The following LAMC1 variants were observed in gnomAD, a reference collection of about 807,000 sequenced individuals.
LAMC1 encodes laminin subunit gamma-1.
Under a neutral mutation model 173.6 loss-of-function variants are expected in LAMC1, and 38 were observed. That is an observed-to-expected ratio of 0.22 (90% confidence interval 0.17 to 0.29). The LOEUF is 0.29. Among genes scored for constraint, LAMC1 ranks in the 10% least tolerant of loss-of-function variants. LAMC1 has a pLI of 1.00. For synonymous variants in LAMC1, 746 were observed against 749.1 expected, an observed-to-expected ratio of 1.00 and a Z score of 0.07; for missense variants, 1,824 against 2,051.8, an observed-to-expected ratio of 0.89 and a Z score of 2.14.
At chr1:183,137,867 A>C (rs1309596982) in intron 26 of LAMC1, 40 bp downstream of exon 26, 4 of 1,526,364 alleles carry the variant, frequency 2.6e-6, no homozygotes, top group Non-Finnish European at 3.5e-6. Context: ...GCAGAAAGTG[A>C]ACAGTGTTTA....
chr1:183,039,251 G>GT (rs1654063132), intron 1 of LAMC1, among the ~76,000 whole-genome samples: 1 of 149,112 alleles, frequency 6.7e-6, no homozygotes, highest in Admixed American at 6.7e-5. Flanking sequence ...AAGGGACTAA[G>GT]GATAAAGATT....
chr1:183,068,374 T>G (rs886067697), intron 1 of LAMC1, among the ~76,000 whole-genome samples: 2 of 152,170 alleles, frequency 1.3e-5, no homozygotes, highest in Non-Finnish European at 2.9e-5. Flanking sequence ...TAGTACTCAT[T>G]TGTTGTGCTA....
At chr1:183,092,504 A>G (rs544032368) in intron 1 of LAMC1, among the ~76,000 whole-genome samples, 2 of 151,974 alleles carry the variant, frequency 1.3e-5, no homozygotes, top group African/African-American at 2.4e-5. Context: ...AGGCTCAACA[A>G]TTTGCATTTT....
chr1:183,128,729 C>G lies in LAMC1; in HGVS notation c.3259C>G (p.Arg1087Gly), dbSNP rs769737749. The change falls in exon 18 of 28, where the codon CGT (arginine) becomes GGT (glycine). Residue 1087 changes from arginine (R) to glycine (G), a missense_variant. Coordinates refer to ENST00000258341, the MANE Select transcript of LAMC1 (RefSeq NM_002293.4). ...AGAGAGGGAAGTTATGGACCTCCTTCGTGAGGCCCAGGATGTCAAAGGTAC... is the reference window on the plus strand; with the variant it reads ...AGAGAGGGAAGTTATGGACCTCCTTGGTGAGGCCCAGGATGTCAAAGGTAC... ...EAEREVMDLL[R>G]EAQDVKDVDQ... is the part of the protein sequence containing the mutation. The G allele has an allele frequency of 6.2e-7, 1 of 1,613,136 alleles. No individual in the cohort carries two copies. The highest frequency in any genetic ancestry group is 8.5e-7 in the Non-Finnish European group (1 of 1,179,388).
At chr1:183,058,413 T>C (rs1571414107) in intron 1 of LAMC1, among the ~76,000 whole-genome samples, 1 of 152,242 alleles carries the variant, frequency 6.6e-6, no homozygotes, top group Non-Finnish European at 1.5e-5. Context: ...CAGGTGTATA[T>C]TTAAGTCTGG....
At chr1:183,071,685 C>A (rs1655015832) in intron 1 of LAMC1, among the ~76,000 whole-genome samples, 1 of 152,128 alleles carries the variant, frequency 6.6e-6, no homozygotes. Flanking sequence ...ACTTTCTTAG[C>A]CTATTTAATG....
Position 183,145,185 on chromosome 1 carries a change from G to C in LAMC1, c.*2395G>C, listed in dbSNP as rs190346479. ...TTGGTTTCCTTTTAACTTTCTTTTT[G>C]TTATTTGCTTTTCTCCTCCACCTGT... On this transcript the variant is annotated 3_prime_UTR_variant, in exon 28 of 28. Coordinates refer to ENST00000258341, the MANE Select transcript of LAMC1 (RefSeq NM_002293.4). The C allele has an allele frequency of 6.6e-6, 1 of 152,278 alleles. No homozygotes were observed. The highest frequency in any genetic ancestry group is 2.4e-5 in the African/African-American group (1 of 41,400). The allele number at this position is 152,278 out of a possible 1,614,324, so 9.4% of individuals were successfully genotyped here. A position where few individuals can be genotyped will look rare whatever the true frequency, so the allele number is the denominator to read the frequency against.
rs1025559573 is a variant in LAMC1, at chr1:183,041,959, T to C, written c.418+17825T>C. On this transcript the variant is annotated intron_variant, in intron 1 of 27. Coordinates refer to ENST00000258341, the MANE Select transcript of LAMC1 (RefSeq NM_002293.4). The stretch of plus-strand genomic sequence containing the variant: ...CCCATGATGGAATTTGCCTTGTAGA[T>C]AGGGTTTTTAAAATTGATCAGGCAG... Among the ~76,000 whole-genome samples, 12 of 152,192 alleles carry C rather than the reference T, an allele frequency of 7.9e-5. No individual in the cohort carries two copies. In the East Asian group the frequency reaches 2.3e-3, roughly 29 times the overall value.
At chr1:183,053,935 T>G (rs546702688) in intron 1 of LAMC1, among the ~76,000 whole-genome samples, 1 of 152,176 alleles carries the variant, frequency 6.6e-6, no homozygotes, top group East Asian at 1.9e-4. Flanking sequence ...CAAAGATAGG[T>G]TTTATTATTG....
At chr1:183,103,766 G>A in intron 2 of LAMC1, 134 bp downstream of exon 2, 2 of 676,374 alleles carry the variant, frequency 3.0e-6, no homozygotes, top group Non-Finnish European at 4.7e-6. Context: ...AACACAGACA[G>A]AGAGCTTGAT....
intron 26 of LAMC1, chr1:183,138,666 C>A (rs1433733242): frequency 1.3e-5 from 2 of 152,112 alleles, no homozygotes; most frequent in African/African-American, 4.8e-5. Flanking sequence ...TCTGTGCAAC[C>A]ACCTAATTTT....
In LAMC1 at chr1:183,140,472, C is replaced by T; in HGVS notation, c.4542C>T (p.Leu1514=). Residue 1514 remains leucine, a synonymous_variant, in exon 27 of 28, where the codon CTC becomes CTT. Transcript: ENST00000258341. Reference sequence around the variant, plus strand: ...CCAAAAACTCTGTTACTAGCCTCCTCAGCATTATTAATGACCTCTTGGAGC... The same window carrying T: ...CCAAAAACTCTGTTACTAGCCTCCTTAGCATTATTAATGACCTCTTGGAGC... The part of the protein sequence containing the change: ...RKAKNSVTSL[L]SIINDLLEQL... The T allele has an allele frequency of 6.2e-7, 1 of 1,613,502 alleles. No individual in the cohort carries two copies. Among genetic ancestry groups the T allele is most frequent in the South Asian group, 1.1e-5 (1 of 91,052 alleles).
chr1:183,048,369 A>G (rs1309687101), intron 1 of LAMC1, among the ~76,000 whole-genome samples: 2 of 152,240 alleles, frequency 1.3e-5, no homozygotes, highest in African/African-American at 4.8e-5. Context: ...ATCTTAAAAC[A>G]TACAGGTAAA....
intron 1 of LAMC1, among the ~76,000 whole-genome samples, chr1:183,075,414 C>T (rs1048553629): frequency 6.6e-6 from 1 of 152,118 alleles, no homozygotes; most frequent in African/African-American, 2.4e-5. Context: ...CCGCGCCCAG[C>T]GTATCTGATG....
chr1:183,112,010 G>A (rs10797841), intron 4 of LAMC1, among the ~76,000 whole-genome samples: 78,563 of 151,978 alleles, frequency 0.52, 20,986 homozygotes, highest in South Asian at 0.65. Flanking sequence ...CTGCACTCCA[G>A]CCTGGGCAAC....
At chr1:183,117,294 C>T (rs376310088) in intron 8 of LAMC1, 26 bp from the exon 9 acceptor site, 112 of 1,592,534 alleles carry the variant, frequency 7.0e-5, no homozygotes, top group Non-Finnish European at 9.0e-5. Context: ...GTGTAAAGTG[C>T]TTGTGTTTTC....
At position 183,116,834 on chromosome 1, in the gene LAMC1, G is replaced by A; in HGVS notation, c.1495G>A (p.Gly499Arg). ...PRGCTPCFCFGHSSVCTNAVG... is the reference protein window; with the variant it reads ...PRGCTPCFCFRHSSVCTNAVG... ...GGGTTGCACACCCTGCTTCTGCTTT[G>A]GGCATTCTTCTGTCTGTACAAACGC... The change falls in exon 8 of 28, where the codon GGG becomes AGG. Residue 499 changes from glycine to arginine, a missense_variant. Gly to Arg is a moderately radical substitution (Grantham distance 125). Coordinates refer to ENST00000258341, the MANE Select transcript of LAMC1 (RefSeq NM_002293.4). The A allele has an allele frequency of 6.2e-7, 1 of 1,613,822 alleles. No homozygotes were observed. Among genetic ancestry groups the A allele is most frequent in the Non-Finnish European group, 8.5e-7 (1 of 1,179,810 alleles).
intron 1 of LAMC1, among the ~76,000 whole-genome samples, chr1:183,024,827 A>T (rs77619662): frequency 0.022 from 3,416 of 152,300 alleles, 64 homozygotes; most frequent in South Asian, 0.079. Flanking sequence ...GCTCTCCTTT[A>T]CTGTCTTCCC....
intron 1 of LAMC1, among the ~76,000 whole-genome samples, chr1:183,078,363 C>T (rs1005376313): frequency 3.3e-5 from 5 of 151,046 alleles, no homozygotes; most frequent in Admixed American, 1.3e-4. Flanking sequence ...CGGTGGATCA[C>T]GAGGTCAGGA....
Sources: allele counts gnomAD v4.1 joint callset (sites outside exome capture counted in the v4.1 genomes callset), GRCh38; gene constraint gnomAD v4.1.1; transcripts MANE v1.5; gene names NCBI Gene and HGNC (gene_info 2026-07-23, HGNC 2026-07-21).